The following DDR2 variants were observed in gnomAD, a reference collection of about 807,000 sequenced individuals.
DDR2 encodes the protein discoidin domain receptor tyrosine kinase 2.
DDR2 carries 27 observed loss-of-function variants against 94.9 expected under a neutral mutation model. The observed-to-expected ratio is 0.28, with a 90% CI of 0.21 to 0.39. The LOEUF is 0.39. DDR2 is among the 10% of genes least tolerant of loss of function. The pLI is 1.00. For missense variants in DDR2, 783 were observed against 1,076.0 expected, an observed-to-expected ratio of 0.73 and a Z score of 3.81; for synonymous variants, 382 against 377.2, an observed-to-expected ratio of 1.01 and a Z score of -0.15.
intron 2 of DDR2, among the ~76,000 whole-genome samples, chr1:162,657,993 C>G (rs542141736): frequency 1.1e-3 from 171 of 152,208 alleles, no homozygotes; most frequent in African/African-American, 3.9e-3. Context: ...CAGTGTCTTC[C>G]TTTCCTTTTC....
At chr1:162,673,669 GT>G (rs1219830643) in intron 2 of DDR2, among the ~76,000 whole-genome samples, 4 of 150,724 alleles carry the variant, frequency 2.7e-5, no homozygotes, top group African/African-American at 9.8e-5. Context: ...GCCAGAATCT[GT>G]TTTTTAAGAA....
chr1:162,741,189 T>C (rs367753344), intron 3 of DDR2, among the ~76,000 whole-genome samples: 8 of 108,776 alleles, frequency 7.4e-5, no homozygotes, highest in Admixed American at 2.1e-4. Flanking sequence ...TAATATAACA[T>C]AACATAATAC....
intron 3 of DDR2, among the ~76,000 whole-genome samples, chr1:162,744,104 A>G (rs764509185): frequency 2.7e-4 from 41 of 152,322 alleles, no homozygotes; most frequent in Non-Finnish European, 4.6e-4. Context: ...TGAAGTGCCT[A>G]GGGTTAAAAT....
chr1:162,740,738 C>T lies in DDR2; in HGVS notation c.83-12357C>T, dbSNP rs146415732. Reference sequence around the variant, plus strand: ...TTTGTTTTGTTTACCACTGTATTCCCGCAAGGCCAATGAATTGCTTAACGA... The same window carrying T: ...TTTGTTTTGTTTACCACTGTATTCCTGCAAGGCCAATGAATTGCTTAACGA... On this transcript the variant is annotated intron_variant, in intron 3 of 17. Transcript: ENST00000367921. Among the ~76,000 whole-genome samples the T allele has an allele frequency of 2.5e-3, 375 of 152,194 alleles. 3 individuals carry two copies. The highest frequency in any genetic ancestry group is 8.5e-3 in the African/African-American group (352 of 41,518).
Position 162,755,212 on chromosome 1 carries a change from C to G in DDR2, c.474C>G (p.Pro158=). 2.5e-6 allele frequency: 4 copies of G among 1,614,082 alleles called. No individual in the cohort carries two copies. The highest frequency in any genetic ancestry group is 3.4e-6 in the Non-Finnish European group (4 of 1,180,002). Residue 158 remains proline (P), a synonymous_variant, in exon 6 of 18, where the codon CCC becomes CCG. Coordinates refer to ENST00000367921, the MANE Select transcript of DDR2 (RefSeq NM_006182.4). ...TTTTCCTAAAGGACTTGGAGCCGCCCATTGTAGCCAGATTTGTCCGGTTCA... is the reference window on the plus strand; with the variant it reads ...TTTTCCTAAAGGACTTGGAGCCGCCGATTGTAGCCAGATTTGTCCGGTTCA... ...YDIFLKDLEP[P]IVARFVRFIP...
intron 3 of DDR2, among the ~76,000 whole-genome samples, chr1:162,744,929 T>C (rs915059136): frequency 2.0e-5 from 3 of 152,240 alleles, no homozygotes; most frequent in Non-Finnish European, 2.9e-5. Flanking sequence ...GCCTCCATAC[T>C]GACTGCATCA....
chr1:162,635,323 C>T (rs970528094), intron 1 of DDR2, among the ~76,000 whole-genome samples: 3 of 152,034 alleles, frequency 2.0e-5, no homozygotes, highest in African/African-American at 7.2e-5. Flanking sequence ...ACCCCCCATA[C>T]ATTCATGTCA....
At chr1:162,730,829 A>G (rs930399699) in intron 3 of DDR2, among the ~76,000 whole-genome samples, 3 of 152,174 alleles carry the variant, frequency 2.0e-5, no homozygotes, top group Non-Finnish European at 4.4e-5. Context: ...CAGCCCCAGC[A>G]TTTGGCACAT....
chr1:162,636,700 T>C (rs1656841780), intron 1 of DDR2, among the ~76,000 whole-genome samples: 1 of 152,184 alleles, frequency 6.6e-6, no homozygotes, highest in Non-Finnish European at 1.5e-5. Context: ...CCCCTTCATT[T>C]GAGTTTAGAT....
At chr1:162,773,425 T>A in intron 13 of DDR2, 44 bp from the exon 14 acceptor site, 1 of 1,610,576 alleles carries the variant, frequency 6.2e-7, no homozygotes, top group Non-Finnish European at 8.5e-7. Flanking sequence ...CTGAGACATC[T>A]TCAGGAGAAA....
chr1:162,739,844 G>A (rs1446086651), intron 3 of DDR2, among the ~76,000 whole-genome samples: 8 of 152,074 alleles, frequency 5.3e-5, no homozygotes. Context: ...GGTGGGATAT[G>A]GGAATATTTT....
At chr1:162,668,226 C>G (rs539523928) in intron 2 of DDR2, among the ~76,000 whole-genome samples, 1 of 152,276 alleles carries the variant, frequency 6.6e-6, no homozygotes, top group African/African-American at 2.4e-5. Context: ...TATTGGAAAG[C>G]CACTGGAAGT....
chr1:162,686,106 A>G (rs1342821907), intron 2 of DDR2, among the ~76,000 whole-genome samples: 2 of 150,908 alleles, frequency 1.3e-5, no homozygotes, highest in East Asian at 3.9e-4. Flanking sequence ...GCTCACTGCA[A>G]CCTCCGCCTC....
intron 2 of DDR2, among the ~76,000 whole-genome samples, chr1:162,677,949 TA>T (rs1659218482): frequency 6.6e-6 from 1 of 152,094 alleles, no homozygotes; most frequent in Admixed American, 6.5e-5. Context: ...TTTTATTTTT[TA>T]TTTTTTTTTA....
Position 162,698,768 on chromosome 1 carries a change from C to T in DDR2, c.-27-20269C>T, listed in dbSNP as rs1274135150. Among the ~76,000 whole-genome samples the T allele has an allele frequency of 2.0e-5, 3 of 152,316 alleles. No individual in the cohort carries two copies. In the East Asian group the frequency reaches 5.8e-4, roughly 29 times the overall value. On this transcript the variant is annotated intron_variant, in intron 2 of 17. Transcript: ENST00000367921. ...TGTAATTTACCATTCTCTTCTTGAA[C>T]TATGCAGCAGTCTGAGGGGCTGTAC...
chr1:162,661,803 CT>C (rs1360446922), intron 2 of DDR2, among the ~76,000 whole-genome samples: 3 of 152,180 alleles, frequency 2.0e-5, no homozygotes. Context: ...AATTGAGATT[CT>C]TTTTCCTCAT....
At chr1:162,679,200 G>T (rs188934655) in intron 2 of DDR2, among the ~76,000 whole-genome samples, 86 of 151,738 alleles carry the variant, frequency 5.7e-4, no homozygotes, top group African/African-American at 2.0e-3. Flanking sequence ...TCCTCCCACT[G>T]ACCATCCTCA....
chr1:162,709,810 A>G (rs1313225529), intron 2 of DDR2, among the ~76,000 whole-genome samples: 8 of 152,226 alleles, frequency 5.3e-5, no homozygotes, highest in Non-Finnish European at 8.8e-5. Flanking sequence ...ATGAAAAGCT[A>G]GAGATTGCTA....
intron 1 of DDR2, among the ~76,000 whole-genome samples, chr1:162,636,990 T>TA (rs1049195345): frequency 3.3e-5 from 5 of 151,688 alleles, no homozygotes; most frequent in East Asian, 1.9e-4. Flanking sequence ...AGTGGTGATT[T>TA]AAAAAAAAAT....
Sources: gnomAD v4.1 joint callset for allele counts (sites outside exome capture counted in the v4.1 genomes callset) on GRCh38, gnomAD v4.1.1 for gene constraint, MANE v1.5 for transcripts, NCBI Gene and HGNC (gene_info 2026-07-23, HGNC 2026-07-21) for gene names.